Variants in SIPA1L2 observed in about 807,000 individuals in gnomAD.
SIPA1L2 encodes signal induced proliferation associated 1 like 2, also known as signal-induced proliferation-associated 1-like protein 2.
A neutral mutation model predicts 163.9 loss-of-function variants in SIPA1L2; 56 were observed. The ratio of observed to expected loss-of-function variants is 0.34; its 90% CI spans 0.28 to 0.43. The LOEUF is 0.43. SIPA1L2 is among the 20% of genes least tolerant of loss of function. The probability of loss-of-function intolerance (pLI) is 1.00; values close to 1 mark genes in which losing one functional copy is unlikely to be tolerated. For synonymous variants in SIPA1L2, 877 were observed against 865.7 expected (o/e 1.01, Z -0.23); for missense variants, 1,974 against 2,193.5 (o/e 0.90, Z 2.00).
intron 2 of SIPA1L2, among the ~76,000 whole-genome samples, chr1:232,532,231 C>T (rs6666357): frequency 0.92 from 139,911 of 152,216 alleles, 65,037 homozygotes; most frequent in African/African-American, 0.99. Context: ...ACTGGCAGCT[C>T]TGGCTAATGA....
intron 10 of SIPA1L2, among the ~76,000 whole-genome samples, chr1:232,446,841 C>T (rs112088139): frequency 0.02 from 2,972 of 152,350 alleles, 103 homozygotes; most frequent in African/African-American, 0.066. Context: ...ACAGAGCAGA[C>T]GCCAGAGGTG....
rs1572961568 is a variant in SIPA1L2, at chr1:232,480,294, T to C, written c.1982-564A>G. ...ATGGAAATGAGAACAAAAAATGTTA[T>C]TTTGAATATGTCTTTCCCTGAATGT... On this transcript the variant is annotated intron_variant, in intron 6 of 22. Coordinates refer to ENST00000674635, the MANE Select transcript of SIPA1L2 (RefSeq NM_020808.5). Among the ~76,000 whole-genome samples the C allele has an allele frequency of 3.3e-5, 5 of 152,288 alleles. No individual in the cohort carries two copies. The East Asian group carries it at 9.6e-4, about 29-fold the overall frequency.
intron 2 of SIPA1L2, among the ~76,000 whole-genome samples, chr1:232,567,173 T>C (rs148311954): frequency 2.0e-5 from 3 of 152,306 alleles, no homozygotes; most frequent in African/African-American, 4.8e-5. Context: ...CTGGGCCTTA[T>C]TTTTTAAATG....
chr1:232,552,790 T>C (rs762035238), intron 2 of SIPA1L2, among the ~76,000 whole-genome samples: 1 of 152,208 alleles, frequency 6.6e-6, no homozygotes, highest in Non-Finnish European at 1.5e-5. Flanking sequence ...TTTAACACCA[T>C]AAAATGGCCA....
At chr1:232,588,799 T>C (rs768155175) in intron 1 of SIPA1L2, among the ~76,000 whole-genome samples, 14 of 152,216 alleles carry the variant, frequency 9.2e-5, no homozygotes, top group Non-Finnish European at 1.5e-4. Flanking sequence ...TTAAAGATAT[T>C]CGCAAAAAAT....
chr1:232,601,574 A>T (rs567702505), intron 1 of SIPA1L2, among the ~76,000 whole-genome samples: 72 of 152,228 alleles, frequency 4.7e-4, no homozygotes, highest in Non-Finnish European at 9.1e-4. Context: ...ATGTGTCTTC[A>T]ACACATTTCT....
intron 2 of SIPA1L2, among the ~76,000 whole-genome samples, chr1:232,549,466 G>A (rs1458110840): frequency 6.6e-6 from 1 of 152,250 alleles, no homozygotes; most frequent in Admixed American, 6.5e-5. Context: ...ACTTTAGAGT[G>A]TAAGCAGTTG....
At chr1:232,578,130 G>C (rs1344707249) in intron 1 of SIPA1L2, among the ~76,000 whole-genome samples, 2 of 152,084 alleles carry the variant, frequency 1.3e-5, no homozygotes, top group Admixed American at 1.3e-4. Flanking sequence ...CTTGCTGAAG[G>C]CTCAGATAAT....
intron 1 of SIPA1L2, among the ~76,000 whole-genome samples, chr1:232,582,098 A>G (rs1372474823): frequency 2.0e-5 from 3 of 152,230 alleles, no homozygotes; most frequent in Non-Finnish European, 4.4e-5. Flanking sequence ...ATAAGCAGGC[A>G]AGCTTGTTGC....
chr1:232,614,969 T>G (rs942909769), intron 1 of SIPA1L2, among the ~76,000 whole-genome samples: 1 of 152,226 alleles, frequency 6.6e-6, no homozygotes, highest in African/African-American at 2.4e-5. Context: ...ATCCCTTAAC[T>G]TAGAGCAAAC....
At chr1:232,487,493 A>G (rs1665701019) in intron 5 of SIPA1L2, among the ~76,000 whole-genome samples, 1 of 152,186 alleles carries the variant, frequency 6.6e-6, no homozygotes, top group African/African-American at 2.4e-5. Context: ...TTAAGAACCA[A>G]TGAATAACTC....
chr1:232,523,944 C>T (rs191598610), intron 2 of SIPA1L2, among the ~76,000 whole-genome samples: 195 of 152,290 alleles, frequency 1.3e-3, no homozygotes, highest in Admixed American at 2.0e-3. Flanking sequence ...CCAATCCATA[C>T]AACAGTCCAG....
chr1:232,398,331 TAGTG>T lies in SIPA1L2; in HGVS notation c.*792_*795del, dbSNP rs567128631. ...TGGCTCACAGCACACAGGGAAGTTC[TAGTG>T]AGTAAGCAGATTCACTCTCATTTCT... On this transcript the variant is annotated 3_prime_UTR_variant, in exon 23 of 23. Transcript: ENST00000674635. The T allele has an allele frequency of 5.3e-3, 811 of 152,792 alleles. 5 individuals are homozygous for T. Among genetic ancestry groups the T allele is most frequent in the Non-Finnish European group, 9.1e-3 (622 of 68,044 alleles). The allele number at this position is 152,792 out of a possible 1,614,324, so 9.5% of individuals were successfully genotyped here.
chr1:232,416,999 G>A (rs1044416613), intron 18 of SIPA1L2, among the ~76,000 whole-genome samples: 1 of 152,160 alleles, frequency 6.6e-6, no homozygotes, highest in African/African-American at 2.4e-5. Flanking sequence ...TTCTGAACCT[G>A]CCCAGAACAC....
chr1:232,624,674 C>A (rs1052126947), intron 1 of SIPA1L2, among the ~76,000 whole-genome samples: 10 of 152,162 alleles, frequency 6.6e-5, no homozygotes, highest in Admixed American at 6.5e-4. Flanking sequence ...AGGAACTCAA[C>A]TAAATGGGGA....
rs1023744152 is a variant in SIPA1L2 at position 232,533,318 on chromosome 1, G to A, written c.-269-17710C>T. ...ATGGTATGATTAAACCATTAATTCA[G>A]AAGTAGCATTAATGATTGAGTTACC... On this transcript the variant is annotated intron_variant, in intron 2 of 22. Transcript: ENST00000674635. 5.9e-5 allele frequency among the ~76,000 whole-genome samples: 9 copies of A among 152,322 alleles called. No homozygotes were observed. The East Asian group carries it at 1.4e-3, about 23-fold the overall frequency.
chr1:232,563,738 G>A (rs1054684782), intron 2 of SIPA1L2, among the ~76,000 whole-genome samples: 2 of 152,066 alleles, frequency 1.3e-5, no homozygotes, highest in African/African-American at 2.4e-5. Context: ...GTTTTATGAC[G>A]GAGTCTCGCT....
At chr1:232,508,167 G>A (rs74144355) in intron 3 of SIPA1L2, among the ~76,000 whole-genome samples, 2,590 of 152,178 alleles carry the variant, frequency 0.017, 86 homozygotes, top group African/African-American at 0.06. Flanking sequence ...GCAAAACAAC[G>A]TTCCCGAAGG....
chr1:232,404,827 T>A (rs1022204252), intron 19 of SIPA1L2, among the ~76,000 whole-genome samples: 2 of 152,178 alleles, frequency 1.3e-5, no homozygotes, highest in South Asian at 4.1e-4. Flanking sequence ...ATCTATTCCA[T>A]GATCAATTCA....
Sources: gnomAD v4.1 joint callset for allele counts (sites outside exome capture counted in the v4.1 genomes callset) on GRCh38, gnomAD v4.1.1 for gene constraint, MANE v1.5 for transcripts, NCBI Gene and HGNC (gene_info 2026-07-23, HGNC 2026-07-21) for gene names.